ARHGEF28: variants seen among roughly 807,000 people sequenced by gnomAD.
The protein encoded by ARHGEF28 is 190 kDa guanine nucleotide exchange factor.
Under a neutral mutation model 206.6 loss-of-function variants are expected in ARHGEF28, and 152 were observed. The observed-to-expected ratio is 0.74, with a 90% confidence interval of 0.64 to 0.84. ARHGEF28 has a LOEUF of 0.84. Among genes scored for constraint, ARHGEF28 ranks in the 40% least tolerant of loss-of-function variants. The pLI is 0.00. For synonymous variants in ARHGEF28, 763 were observed against 776.4 expected (o/e 0.98, Z 0.29); for missense variants, 2,028 against 2,073.2 (o/e 0.98, Z 0.42).
intron 35 of ARHGEF28, among the ~76,000 whole-genome samples, chr5:73,914,318 C>T (rs1763080037): frequency 6.6e-6 from 1 of 151,374 alleles, no homozygotes; most frequent in Admixed American, 6.6e-5. Flanking sequence ...GTAAATTGAA[C>T]CTGGGAATTG....
chr5:73,770,280 C>T (rs79487629), intron 4 of ARHGEF28, among the ~76,000 whole-genome samples: 3,295 of 152,172 alleles, frequency 0.022, 123 homozygotes, highest in African/African-American at 0.075. Context: ...AACTGATGCC[C>T]GGCAGAGTGA....
At chr5:73,683,228 A>G (rs555664804) in intron 1 of ARHGEF28, among the ~76,000 whole-genome samples, 6 of 152,226 alleles carry the variant, frequency 3.9e-5, no homozygotes, top group Admixed American at 1.3e-4. Context: ...CATCTTAACC[A>G]TTTTTAACAT....
At chr5:73,693,760 T>A (rs1747997430) in intron 2 of ARHGEF28, among the ~76,000 whole-genome samples, 1 of 152,250 alleles carries the variant, frequency 6.6e-6, no homozygotes, top group African/African-American at 2.4e-5. Context: ...TGTCAGTTAA[T>A]CTGTGCTCCC....
At chr5:73,699,985 C>A (rs1215790015) in intron 2 of ARHGEF28, among the ~76,000 whole-genome samples, 1 of 152,194 alleles carries the variant, frequency 6.6e-6, no homozygotes, top group African/African-American at 2.4e-5. Context: ...ATTTTGATCA[C>A]TTCTAGCCAA....
At chr5:73,870,518 T>A (rs1760038796) in intron 21 of ARHGEF28, among the ~76,000 whole-genome samples, 1 of 152,266 alleles carries the variant, frequency 6.6e-6, no homozygotes, top group Admixed American at 6.5e-5. Flanking sequence ...TTATTTCCCA[T>A]ATTCCTTTCA....
intron 2 of ARHGEF28, among the ~76,000 whole-genome samples, chr5:73,702,117 C>T (rs1748643087): frequency 6.6e-6 from 1 of 152,152 alleles, no homozygotes; most frequent in Admixed American, 6.5e-5. Flanking sequence ...TTTTACATTC[C>T]AACCAGCATC....
intron 2 of ARHGEF28, among the ~76,000 whole-genome samples, chr5:73,686,730 G>C (rs998670144): frequency 4.6e-5 from 7 of 151,800 alleles, no homozygotes; most frequent in African/African-American, 1.5e-4. Context: ...CACCGTGTTA[G>C]CCAGGATGGT....
intron 2 of ARHGEF28, among the ~76,000 whole-genome samples, chr5:73,727,068 A>G (rs1422024805): frequency 6.6e-6 from 1 of 152,132 alleles, no homozygotes; most frequent in Non-Finnish European, 1.5e-5. Flanking sequence ...TTCCTCTGCA[A>G]ATATTTTTCT....
intron 4 of ARHGEF28, among the ~76,000 whole-genome samples, chr5:73,766,850 C>T (rs1752921185): frequency 6.6e-6 from 1 of 152,152 alleles, no homozygotes; most frequent in Non-Finnish European, 1.5e-5. Context: ...ATAGCAATTC[C>T]ATTCCTACCT....
intron 35 of ARHGEF28, among the ~76,000 whole-genome samples, chr5:73,934,705 TG>T (rs1482140949): frequency 6.6e-6 from 1 of 152,202 alleles, no homozygotes; most frequent in Non-Finnish European, 1.5e-5. Context: ...TCCCTGAGTT[TG>T]GGGGATGCTG....
rs749797410 is a variant in ARHGEF28, at chr5:73,898,102, A to G, written c.3973+9A>G. 3.7e-6 allele frequency: 6 copies of G among 1,609,916 alleles called. No homozygotes were observed. The highest frequency in any genetic ancestry group is 1.7e-5 in the Admixed American group (1 of 59,718). On this transcript the variant is annotated intron_variant, in intron 30 of 35. Transcript: ENST00000513042. ...AGGATCACCGACTGCCTGTAAGTGA[A>G]AATGCAGGCCTTGGCAATGAGCCTG...
chr5:73,822,040 C>A (rs1476050698), intron 9 of ARHGEF28, among the ~76,000 whole-genome samples: 1 of 152,094 alleles, frequency 6.6e-6, no homozygotes, highest in Non-Finnish European at 1.5e-5. Flanking sequence ...AGGGAAAAGG[C>A]TTGTTTTCTT....
chr5:73,661,908 G>A (rs2112192233), intron 1 of ARHGEF28, among the ~76,000 whole-genome samples: 1 of 152,244 alleles, frequency 6.6e-6, no homozygotes, highest in Non-Finnish European at 1.5e-5. Context: ...ACAGAGACAC[G>A]AAGCGAGCAC....
At chr5:73,826,930 C>G (rs1315350593) in intron 9 of ARHGEF28, among the ~76,000 whole-genome samples, 1 of 152,156 alleles carries the variant, frequency 6.6e-6, no homozygotes, top group Non-Finnish European at 1.5e-5. Context: ...CTGGGGATCC[C>G]CTTGGAGTTG....
At chr5:73,931,641 A>G (rs1040238832) in intron 35 of ARHGEF28, among the ~76,000 whole-genome samples, 1 of 152,172 alleles carries the variant, frequency 6.6e-6, no homozygotes, top group African/African-American at 2.4e-5. Flanking sequence ...AATTTTCAAG[A>G]TATTTTTCCT....
At chr5:73,771,319 G>T (rs1463379242) in intron 4 of ARHGEF28, among the ~76,000 whole-genome samples, 1 of 152,208 alleles carries the variant, frequency 6.6e-6, no homozygotes, top group Admixed American at 6.5e-5. Flanking sequence ...AAGGCGAGTG[G>T]ATCACCTGAG....
intron 4 of ARHGEF28, among the ~76,000 whole-genome samples, chr5:73,762,473 AAAC>A (rs1175788245): frequency 3.3e-5 from 5 of 151,150 alleles, no homozygotes; most frequent in African/African-American, 9.8e-5. Flanking sequence ...AAAAAAAAAA[AAAC>A]AAAACAACAA....
chr5:73,662,422 G>A (rs1017257053), intron 1 of ARHGEF28, among the ~76,000 whole-genome samples: 3 of 152,126 alleles, frequency 2.0e-5, no homozygotes, highest in Non-Finnish European at 4.4e-5. Flanking sequence ...GGCATTTTTT[G>A]GAGCACATCC....
chr5:73,905,684 T>G (rs1376647779), intron 33 of ARHGEF28, among the ~76,000 whole-genome samples: 4 of 152,232 alleles, frequency 2.6e-5, no homozygotes, highest in Non-Finnish European at 5.9e-5. Flanking sequence ...TTCAACTCTG[T>G]GGGGTTTATT....
Sources: gnomAD v4.1 joint callset for allele counts (sites outside exome capture counted in the v4.1 genomes callset) on GRCh38, gnomAD v4.1.1 for gene constraint, MANE v1.5 for transcripts, NCBI Gene and HGNC (gene_info 2026-07-23, HGNC 2026-07-21) for gene names.